The following ZFP28 variants were observed in gnomAD, a reference collection of about 807,000 sequenced individuals.
ZFP28 encodes ZFP28 zinc finger protein.
ZFP28 carries 31 observed loss-of-function variants against 39.5 expected under a neutral mutation model. The observed-to-expected ratio is 0.79, with a 90% CI of 0.59 to 1.06. The LOEUF is 1.06. Ranked by LOEUF, ZFP28 falls within the 50% of genes least tolerant of loss-of-function variation. The pLI is 0.00. For synonymous variants in ZFP28, 400 were observed against 378.6 expected (o/e 1.06, Z -0.66); for missense variants, 925 against 1,048.4 (o/e 0.88, Z 1.63).
Position 56,553,978 on chromosome 19 carries a change from T to G in ZFP28, c.1193T>G (p.Ile398Ser). ...GAGAAAGTTCATAATCGTGATTCAA[T>G]TAAAAATTTTCAAAAAAGTTCAGTG... The part of the protein sequence containing the change: ...SEEKVHNRDS[I>S]KNFQKSSVVI... Residue 398 changes from isoleucine to serine, a missense_variant, in exon 8 of 8, where the codon ATT (isoleucine) becomes AGT (serine). Coordinates refer to ENST00000301318, the MANE Select transcript of ZFP28 (RefSeq NM_020828.2). The G allele has an allele frequency of 6.2e-7, 1 of 1,611,190 alleles. No individual in the cohort carries two copies. Among genetic ancestry groups the G allele is most frequent in the Non-Finnish European group, 8.5e-7 (1 of 1,179,344 alleles).
Position 56,539,582 on chromosome 19 carries a change from C to T in ZFP28, c.209-43C>T, listed in dbSNP as rs779484053. 79 of 1,537,706 alleles carry T rather than the reference C, an allele frequency of 5.1e-5. No individual in the cohort carries two copies. In the Admixed American group the frequency reaches 6.0e-4, roughly 12 times the overall value. On this transcript the variant is annotated intron_variant, in intron 1 of 7. Transcript: ENST00000301318. Reference sequence around the variant, plus strand: ...ACGTTTCTAGGCTGGTGATTTGGGACTGTGGTGTAGACCTGGTCTCTAGCT... The same window carrying T: ...ACGTTTCTAGGCTGGTGATTTGGGATTGTGGTGTAGACCTGGTCTCTAGCT...
chr19:56,548,811 T>A, intron 4 of ZFP28, 147 bp from the exon 5 acceptor site: 4 of 914,036 alleles, frequency 4.4e-6, no homozygotes, highest in Non-Finnish European at 6.3e-6. Context: ...TAAGAAAGCT[T>A]TCAAAATGAT....
At chr19:56,552,168 C>T (rs1269080213) in intron 7 of ZFP28, 4 of 248,206 alleles carry the variant, frequency 1.6e-5, no homozygotes, top group African/African-American at 7.0e-5. Flanking sequence ...CAGTTTTCAC[C>T]TATAATCAAC....
chr19:56,543,868 G>C (rs2044217318), intron 2 of ZFP28, among the ~76,000 whole-genome samples: 1 of 152,164 alleles, frequency 6.6e-6, no homozygotes, highest in African/African-American at 2.4e-5. Flanking sequence ...TGGATACTAA[G>C]TATTACTGCT....
chr19:56,555,069 T>C lies in ZFP28; in HGVS notation c.2284T>C (p.Cys762Arg). 6.2e-7 allele frequency: 1 copy of C among 1,614,216 alleles called. No individual in the cohort carries two copies. ...AGAAAAACCTTATGAATGCAGTGTG[T>C]GTGGCAAAGCCTTTAGTCATCGTCA... is the stretch of plus-strand genomic sequence containing the variant. ...TGEKPYECSV[C>R]GKAFSHRQSL... The change falls in exon 8 of 8, where the codon TGT (cysteine) becomes CGT (arginine). Residue 762 changes from cysteine to arginine, a missense_variant. Cys to Arg is a radical substitution (Grantham distance 180, BLOSUM62 -3). Around this residue, in one of 2 missense-constraint regions of ZFP28, gnomAD observed 369 missense variants for 505.5 expected, o/e 0.73. Coordinates refer to ENST00000301318, the MANE Select transcript of ZFP28 (RefSeq NM_020828.2).
At chr19:56,544,052 G>C (rs942160721) in intron 2 of ZFP28, among the ~76,000 whole-genome samples, 1 of 152,204 alleles carries the variant, frequency 6.6e-6, no homozygotes, top group African/African-American at 2.4e-5. Context: ...GCCTCAAGCA[G>C]TTCTTGTAAG....
intron 7 of ZFP28, 95 bp downstream of exon 7, chr19:56,550,700 A>G (rs1202941303): frequency 6.3e-7 from 1 of 1,596,778 alleles, no homozygotes; most frequent in East Asian, 2.2e-5. Flanking sequence ...ACAGTAGGAA[A>G]CTTTACCCAG....
chr19:56,549,132 A>G lies in ZFP28; in HGVS notation c.687+11A>G, dbSNP rs1176535130. ...TTTGAGACACAGCCGGTAAGTCACA[A>G]GACAAATTTCAGGCAAGAGGAAGGA... On this transcript the variant is annotated intron_variant, in intron 5 of 7. Transcript: ENST00000301318. 2 of 1,593,680 alleles carry G rather than the reference A, an allele frequency of 1.3e-6. No homozygotes were observed. Among genetic ancestry groups the G allele is most frequent in the Non-Finnish European group, 1.7e-6 (2 of 1,168,896 alleles).
At chr19:56,539,589 G>T in intron 1 of ZFP28, 36 bp from the exon 2 acceptor site, 2 of 1,573,198 alleles carry the variant, frequency 1.3e-6, no homozygotes, top group Non-Finnish European at 1.7e-6. Context: ...GGACTGTGGT[G>T]TAGACCTGGT....
chr19:56,548,902 T>G (rs1162289446), intron 4 of ZFP28, 56 bp from the exon 5 acceptor site: 4 of 1,490,778 alleles, frequency 2.7e-6, no homozygotes, highest in Non-Finnish European at 3.6e-6. Flanking sequence ...ATTTTGGAAT[T>G]TTTCTTCATA....
chr19:56,543,310 T>C (rs1422899515), intron 2 of ZFP28, among the ~76,000 whole-genome samples: 1 of 148,220 alleles, frequency 6.7e-6, no homozygotes, highest in Non-Finnish European at 1.5e-5. Flanking sequence ...TTTGTGTGTG[T>C]GCGTGTGTTT....
rs755212578 is a variant in ZFP28 at position 56,555,210 on chromosome 19, GGA to G, written c.2432_2433del (p.Arg811IlefsTer3). 2 of 1,614,134 alleles carry G rather than the reference GGA, an allele frequency of 1.2e-6. No homozygotes were observed. Among genetic ancestry groups the G allele is most frequent in the Non-Finnish European group, 1.7e-6 (2 of 1,180,032 alleles). ...HLNQHKRVHT[G>X]ERSYNYKKSR... is the part of the protein sequence containing the mutation. ...TAATCAACATAAGAGAGTTCATACT[GGA>G]GAGAGATCTTATAACTATAAGAAAA... On this transcript the variant is annotated frameshift_variant, in exon 8 of 8. Transcript: ENST00000301318. LOFTEE classifies it low-confidence loss of function (END_TRUNC).
At position 56,539,535 on chromosome 19, in the gene ZFP28, C is replaced by G. The variant is rs939154992; in HGVS notation, c.209-90C>G. 6.1e-6 allele frequency: 7 copies of G among 1,150,472 alleles called. No individual in the cohort carries two copies. The African/African-American group carries it at 7.7e-5, about 13-fold the overall frequency. The allele number at this position is 1,150,472 out of a possible 1,614,324, so 71.3% of individuals were successfully genotyped here. A position where few individuals can be genotyped will look rare whatever the true frequency, so the allele number is the denominator to read the frequency against. On this transcript the variant is annotated intron_variant, in intron 1 of 7. Coordinates refer to ENST00000301318, the MANE Select transcript of ZFP28 (RefSeq NM_020828.2). ...CCCTAGGCAGGGTAATGATCTGATC[C>G]CACCTTTTCATGCAGGAAGGGACGT...
intron 2 of ZFP28, 100 bp downstream of exon 2, chr19:56,539,816 T>C (rs1600537727): frequency 9.2e-7 from 1 of 1,081,434 alleles, no homozygotes; most frequent in African/African-American, 1.6e-5. Flanking sequence ...AGAGACCTGT[T>C]TGGGCGCGGG....
Position 56,553,943 on chromosome 19 carries a change from C to G in ZFP28, c.1158C>G (p.Asp386Glu), listed in dbSNP as rs149789168. The change falls in exon 8 of 8, where the codon GAC (aspartate) becomes GAG (glutamate). Residue 386 changes from aspartate (D) to glutamate (E), a missense_variant. This residue lies in a region of ZFP28 where 556 missense variants were observed against 542.9 expected (regional missense o/e 1.02). Coordinates refer to ENST00000301318, the MANE Select transcript of ZFP28 (RefSeq NM_020828.2). The part of the protein sequence containing the change: ...YNKSGRWFYL[D>E]DSEEKVHNRD... The stretch of plus-strand genomic sequence containing the variant: ...AATCTGGAAGATGGTTCTATTTGGA[C>G]GATTCAGAAGAGAAAGTTCATAATC... The G allele has an allele frequency of 7.4e-6, 12 of 1,613,586 alleles. No individual in the cohort carries two copies. The highest frequency in any genetic ancestry group is 5.3e-5 in the African/African-American group (4 of 74,814).
chr19:56,555,116 A>G lies in ZFP28; in HGVS notation c.2331A>G (p.Arg777=). The G allele has an allele frequency of 1.2e-6, 2 of 1,614,210 alleles. No homozygotes were observed. The highest frequency in any genetic ancestry group is 1.7e-6 in the Non-Finnish European group (2 of 1,180,034). Residue 777 remains arginine (R), a synonymous_variant, in exon 8 of 8, where the codon AGA becomes AGG. Coordinates refer to ENST00000301318, the MANE Select transcript of ZFP28 (RefSeq NM_020828.2). ...GTCAATCCCTTAGTGTACATCAGAG[A>G]ATCCATTCTGGAAAGAAACCATATG... ...SHRQSLSVHQ[R]IHSGKKPYEC...
rs767826947 is a variant in ZFP28 at position 56,554,199 on chromosome 19, GGCAAGAAGCCCTATGAGT to G, written c.1418_1435del (p.Lys473_Cys478del). 6.2e-7 allele frequency: 1 copy of G among 1,614,182 alleles called. No homozygotes were observed. Among genetic ancestry groups the G allele is most frequent in the Non-Finnish European group, 8.5e-7 (1 of 1,180,040 alleles). ...TGCCCGACACCAGAGATGTCACACT[GGCAAGAAGCCCTATGAGT>G]GCATTGAGTGTGGGAAAGCTTTCAT... On this transcript the variant is annotated inframe_deletion, in exon 8 of 8. Transcript: ENST00000301318. This position sits in a 1 kb window ranked among gnomAD's most constrained non-coding sequence, Gnocchi z 6.7.
intron 2 of ZFP28, among the ~76,000 whole-genome samples, chr19:56,541,366 T>C (rs1242126146): frequency 6.6e-6 from 1 of 152,212 alleles, no homozygotes; most frequent in Non-Finnish European, 1.5e-5. Context: ...TCATCACATC[T>C]ATCACCAGCA....
chr19:56,551,096 T>A, intron 7 of ZFP28: 1 of 1,050,760 alleles, frequency 9.5e-7, no homozygotes, highest in East Asian at 8.2e-5. Flanking sequence ...GACATGTTTA[T>A]GGATAGCTTG....
Sources: allele counts gnomAD v4.1 joint callset (sites outside exome capture counted in the v4.1 genomes callset), GRCh38; gene constraint gnomAD v4.1.1; regional missense constraint gnomAD v4.1.1; non-coding constraint Gnocchi (gnomAD v3.1); transcripts MANE v1.5; gene names NCBI Gene and HGNC (gene_info 2026-07-23, HGNC 2026-07-21).